Variants in KHDRBS2 observed in about 807,000 individuals in gnomAD.
KHDRBS2 encodes the protein KH RNA binding domain containing, signal transduction associated 2.
Under a neutral mutation model 44.3 loss-of-function variants are expected in KHDRBS2, and 26 were observed. The ratio of observed to expected loss-of-function variants is 0.59; its 90% CI spans 0.43 to 0.81. The LOEUF (loss-of-function observed/expected upper bound fraction) is 0.81. Ranked by LOEUF, KHDRBS2 falls within the 40% of genes least tolerant of loss-of-function variation. KHDRBS2 has a pLI of 0.00. For missense variants in KHDRBS2, 476 were observed against 433.1 expected (o/e 1.10, Z -0.88); for synonymous variants, 194 against 151.1 (o/e 1.28, Z -2.08).
intron 2 of KHDRBS2, among the ~76,000 whole-genome samples, chr6:62,152,486 G>A (rs1464758085): frequency 6.6e-6 from 1 of 152,116 alleles, no homozygotes; most frequent in Non-Finnish European, 1.5e-5. Flanking sequence ...TCGTTTTAGA[G>A]AAGGCATTGT....
chr6:61,727,595 A>T (rs1319210745), intron 7 of KHDRBS2, among the ~76,000 whole-genome samples: 1 of 152,174 alleles, frequency 6.6e-6, no homozygotes, highest in Non-Finnish European at 1.5e-5. Context: ...TTTACAGGAA[A>T]CAAACAACCC....
chr6:61,616,191 G>C, the KHDRBS2 span, among the ~76,000 whole-genome samples: 2 of 152,050 alleles, frequency 1.3e-5, no homozygotes, highest in African/African-American at 4.8e-5. Context: ...TGAGAGTTTA[G>C]GTGTAAAATG....
intron 2 of KHDRBS2, among the ~76,000 whole-genome samples, chr6:62,056,207 A>G (rs958490063): frequency 2.0e-5 from 3 of 151,946 alleles, no homozygotes; most frequent in Admixed American, 1.3e-4. Context: ...ATAAATTGTG[A>G]CATATTACTA....
intron 1 of KHDRBS2, among the ~76,000 whole-genome samples, chr6:62,232,274 C>T (rs1833012864): frequency 6.6e-6 from 1 of 152,098 alleles, no homozygotes; most frequent in African/African-American, 2.4e-5. Context: ...GATCTGTATT[C>T]TCATTGCTCA....
At chr6:61,659,064 A>G in the KHDRBS2 span, 14 of 152,012 alleles carry the variant, frequency 9.2e-5, no homozygotes, top group African/African-American at 2.9e-4. Context: ...ATGGTAATTT[A>G]TAGAGAGTTT....
the KHDRBS2 span, among the ~76,000 whole-genome samples, chr6:61,635,242 A>T: frequency 1.3e-5 from 2 of 152,076 alleles, no homozygotes; most frequent in African/African-American, 4.8e-5. Context: ...TAAACAAAGA[A>T]TAGAAGGTCT....
At chr6:62,059,665 T>C (rs952737260) in intron 2 of KHDRBS2, among the ~76,000 whole-genome samples, 4 of 151,644 alleles carry the variant, frequency 2.6e-5, no homozygotes, top group Non-Finnish European at 5.9e-5. Context: ...GCCTTCCAAA[T>C]GGAGAAACCT....
chr6:62,137,217 A>G lies in KHDRBS2; in HGVS notation c.219+39968T>C, dbSNP rs1811765747. ...GGGGTTTCACCGTGTTAGCCAGGAT[A>G]GTCTTGATCTCCTGACCTCAGGATC... On this transcript the variant is annotated intron_variant, in intron 2 of 8. Coordinates refer to ENST00000281156, the MANE Select transcript of KHDRBS2 (RefSeq NM_152688.4). Among the ~76,000 whole-genome samples the G allele has an allele frequency of 2.0e-5, 3 of 151,772 alleles. No individual in the cohort carries two copies. The South Asian group carries it at 6.2e-4, about 32-fold the overall frequency.
At chr6:61,654,733 C>T in the KHDRBS2 span, among the ~76,000 whole-genome samples, 1 of 151,234 alleles carries the variant, frequency 6.6e-6, no homozygotes, top group Non-Finnish European at 1.5e-5. Context: ...GTAACTAACC[C>T]TAAGCTGGAG....
intron 6 of KHDRBS2, among the ~76,000 whole-genome samples, chr6:61,733,983 G>A (rs575155822): frequency 6.6e-6 from 1 of 152,128 alleles, no homozygotes; most frequent in African/African-American, 2.4e-5. Context: ...TCTTTATCTT[G>A]TTCAGGAGTT....
intron 1 of KHDRBS2, among the ~76,000 whole-genome samples, chr6:62,257,349 C>T (rs1021834206): frequency 6.6e-6 from 1 of 151,992 alleles, no homozygotes; most frequent in Non-Finnish European, 1.5e-5. Context: ...CAGTGCTATA[C>T]ACACTGATTC....
chr6:61,943,171 C>A (rs558886375), intron 4 of KHDRBS2, among the ~76,000 whole-genome samples: 12 of 151,754 alleles, frequency 7.9e-5, no homozygotes, highest in Middle Eastern at 6.8e-3. Flanking sequence ...ATATATCCAG[C>A]AAAATTATCC....
At chr6:61,593,262 C>T in the KHDRBS2 span, among the ~76,000 whole-genome samples, 1 of 152,042 alleles carries the variant, frequency 6.6e-6, no homozygotes, top group Admixed American at 6.6e-5. Context: ...TGTCTAGTTT[C>T]AGTTTGTAGG....
the KHDRBS2 span, among the ~76,000 whole-genome samples, chr6:61,650,257 C>T: frequency 3.3e-5 from 5 of 152,058 alleles, no homozygotes; most frequent in Admixed American, 3.3e-4. Flanking sequence ...ATTATTTTCT[C>T]TCCTGCTTTC....
At chr6:61,661,548 A>G in the KHDRBS2 span, among the ~76,000 whole-genome samples, 1,917 of 152,010 alleles carry the variant, frequency 0.013, 45 homozygotes, top group African/African-American at 0.044. Context: ...AGGGCTTTTT[A>G]TATTATGTGT....
intron 3 of KHDRBS2, among the ~76,000 whole-genome samples, chr6:61,988,574 G>C (rs1775513176): frequency 6.6e-6 from 1 of 152,170 alleles, no homozygotes; most frequent in South Asian, 2.1e-4. Context: ...GGGAGTAGGT[G>C]CTGGGAAGAA....
intron 6 of KHDRBS2, among the ~76,000 whole-genome samples, chr6:61,809,112 A>C (rs1300546499): frequency 1.3e-5 from 2 of 152,162 alleles, no homozygotes; most frequent in African/African-American, 2.4e-5. Context: ...ACTGTCATGC[A>C]ATGGTATCAC....
chr6:61,801,180 T>G (rs1292978724), intron 6 of KHDRBS2, among the ~76,000 whole-genome samples: 8 of 152,202 alleles, frequency 5.3e-5, no homozygotes, highest in Non-Finnish European at 1.2e-4. Context: ...AAAACATATA[T>G]TTTCTCACAT....
chr6:61,618,943 A>T, the KHDRBS2 span, among the ~76,000 whole-genome samples: 1 of 152,130 alleles, frequency 6.6e-6, no homozygotes, highest in Non-Finnish European at 1.5e-5. Flanking sequence ...TCTTATTAGA[A>T]TGTAAGTGCT....
Sources: allele counts gnomAD v4.1 joint callset (sites outside exome capture counted in the v4.1 genomes callset), GRCh38; gene constraint gnomAD v4.1.1; transcripts MANE v1.5; gene names NCBI Gene and HGNC (gene_info 2026-07-23, HGNC 2026-07-21).